The following EYS variants were observed in gnomAD, a reference collection of about 807,000 sequenced individuals.
EYS encodes the protein EGF-like photoreceptor maintenance factor.
Under a neutral mutation model 282.1 loss-of-function variants are expected in EYS, and 250 were observed. The observed-to-expected ratio is 0.89, with a 90% CI of 0.80 to 0.98. EYS has a LOEUF of 0.98. Ranked by LOEUF, EYS falls within the 50% of genes least tolerant of loss-of-function variation. The pLI is 0.00. For missense variants in EYS, 4,016 were observed against 3,709.0 expected (o/e 1.08, Z -2.15); for synonymous variants, 1,355 against 1,282.9 (o/e 1.06, Z -1.20).
chr6:64,702,516 C>A (rs1199184305), intron 22 of EYS, among the ~76,000 whole-genome samples: 1 of 151,970 alleles, frequency 6.6e-6, no homozygotes, highest in Admixed American at 6.6e-5. Context: ...TTCAGAACAT[C>A]GTCAAGATCA....
intron 31 of EYS, among the ~76,000 whole-genome samples, chr6:64,128,726 A>G (rs1773867537): frequency 1.3e-5 from 2 of 152,214 alleles, no homozygotes; most frequent in Non-Finnish European, 2.9e-5. Flanking sequence ...TTCAAAGTCA[A>G]ATAAACAGTA....
chr6:65,295,882 C>T lies in EYS; in HGVS notation c.2004G>A (p.Lys668=), dbSNP rs1768647597. Residue 668 remains lysine (K), a synonymous_variant, in exon 12 of 43, where the codon AAG becomes AAA. Transcript: ENST00000503581. ...STHLRGYFFR[K]CVPGFKGTQC... is the part of the protein sequence containing the mutation. ...ACTTGCCTTTAAATCCTGGGACACA[C>T]TTGCGGAAGAAATATCCCCTTAAAT... The T allele has an allele frequency of 6.5e-7, 1 of 1,547,676 alleles. No individual in the cohort carries two copies. Among genetic ancestry groups the T allele is most frequent in the African/African-American group, 1.4e-5 (1 of 72,896 alleles).
intron 7 of EYS, among the ~76,000 whole-genome samples, chr6:65,394,595 T>C (rs554194422): frequency 3.1e-4 from 47 of 152,102 alleles, no homozygotes; most frequent in Non-Finnish European, 5.3e-4. Flanking sequence ...CCCAGCACTA[T>C]TAACTTTATG....
chr6:65,599,252 C>A (rs1765529485), intron 2 of EYS, among the ~76,000 whole-genome samples: 1 of 152,030 alleles, frequency 6.6e-6, no homozygotes, highest in Admixed American at 6.6e-5. Flanking sequence ...ATAAATGGAT[C>A]TGCCTAGTTC....
chr6:64,783,295 T>G (rs955714563), intron 22 of EYS, among the ~76,000 whole-genome samples: 4 of 151,692 alleles, frequency 2.6e-5, no homozygotes, highest in Admixed American at 6.6e-5. Flanking sequence ...TATATACATA[T>G]CCTATATACA....
intron 30 of EYS, among the ~76,000 whole-genome samples, chr6:64,256,677 C>A (rs762924788): frequency 6.6e-6 from 1 of 151,972 alleles, no homozygotes; most frequent in African/African-American, 2.4e-5. Flanking sequence ...TGCCTATCTA[C>A]AGAGGAGCAC....
intron 30 of EYS, among the ~76,000 whole-genome samples, chr6:64,250,958 G>A (rs1352642396): frequency 6.6e-6 from 1 of 152,002 alleles, no homozygotes; most frequent in African/African-American, 2.4e-5. Context: ...GATAATATGA[G>A]GAAACACGTA....
chr6:64,563,043 CT>C (rs1765450964), intron 26 of EYS, among the ~76,000 whole-genome samples: 1 of 151,838 alleles, frequency 6.6e-6, no homozygotes, highest in African/African-American at 2.4e-5. Context: ...AATATTTTAC[CT>C]TTAAGTACAT....
At chr6:65,699,221 TATG>T (rs1227909780) in intron 1 of EYS, among the ~76,000 whole-genome samples, 1 of 152,202 alleles carries the variant, frequency 6.6e-6, no homozygotes, top group Non-Finnish European at 1.5e-5. Flanking sequence ...TATGGCTAGA[TATG>T]ATATTTTGGA....
At chr6:64,298,192 C>A (rs977032828) in intron 30 of EYS, among the ~76,000 whole-genome samples, 10 of 151,990 alleles carry the variant, frequency 6.6e-5, no homozygotes, top group African/African-American at 2.2e-4. Context: ...GCTTATAATG[C>A]ACTTTTTGTT....
At chr6:65,345,408 G>A (rs1334647643) in intron 9 of EYS, among the ~76,000 whole-genome samples, 2 of 151,712 alleles carry the variant, frequency 1.3e-5, no homozygotes, top group African/African-American at 4.8e-5. Flanking sequence ...ATTGATATGT[G>A]TTCCTCCCTC....
At position 65,676,569 on chromosome 6, in the gene EYS, A is replaced by T. The variant is rs559218388; in HGVS notation, c.-448+30566T>A. ...AAGAAAATTGAATCAATAAGCAAAA[A>T]CCTCTCAACAGAAATAAAGTCTAGG... On this transcript the variant is annotated intron_variant, in intron 1 of 42. Transcript: ENST00000503581. Among the ~76,000 whole-genome samples the T allele has an allele frequency of 2.5e-3, 379 of 151,940 alleles. 3 individuals carry two copies. Among genetic ancestry groups the T allele is most frequent in the African/African-American group, 8.6e-3 (357 of 41,540 alleles).
intron 2 of EYS, among the ~76,000 whole-genome samples, chr6:65,613,902 A>C (rs1385262001): frequency 6.6e-6 from 1 of 151,910 alleles, no homozygotes; most frequent in African/African-American, 2.4e-5. Flanking sequence ...ATTAGGTAAA[A>C]ATATTTATTT....
chr6:65,095,552 A>C (rs945065389), intron 12 of EYS, among the ~76,000 whole-genome samples: 1 of 151,184 alleles, frequency 6.6e-6, no homozygotes, highest in Non-Finnish European at 1.5e-5. Context: ...CACAATGAAT[A>C]TACACAAATT....
chr6:65,476,201 G>T (rs556250841), intron 5 of EYS, among the ~76,000 whole-genome samples: 1 of 152,040 alleles, frequency 6.6e-6, no homozygotes, highest in Non-Finnish European at 1.5e-5. Context: ...CTACCATGAC[G>T]CATGATATTT....
At chr6:63,842,614 A>C (rs939522704) in intron 36 of EYS, among the ~76,000 whole-genome samples, 1 of 152,156 alleles carries the variant, frequency 6.6e-6, no homozygotes, top group African/African-American at 2.4e-5. Context: ...TCGTTTAATT[A>C]GATCCCATTT....
intron 24 of EYS, among the ~76,000 whole-genome samples, chr6:64,607,792 C>T (rs1035882124): frequency 8.5e-5 from 13 of 152,074 alleles, no homozygotes; most frequent in Admixed American, 3.3e-4. Flanking sequence ...AACTTTCTGA[C>T]GTAGTGCTCA....
intron 34 of EYS, among the ~76,000 whole-genome samples, chr6:63,988,422 A>T (rs1181301591): frequency 6.6e-6 from 1 of 151,610 alleles, no homozygotes; most frequent in Non-Finnish European, 1.5e-5. Flanking sequence ...TTAGACCATT[A>T]AAAAACACCC....
intron 11 of EYS, among the ~76,000 whole-genome samples, chr6:65,334,307 G>C (rs577417599): frequency 6.6e-6 from 1 of 151,766 alleles, no homozygotes; most frequent in African/African-American, 2.4e-5. Flanking sequence ...TGTTGCCCAG[G>C]CTGGAGTGCA....
Sources: gnomAD v4.1 joint callset for allele counts (sites outside exome capture counted in the v4.1 genomes callset) on GRCh38, gnomAD v4.1.1 for gene constraint, MANE v1.5 for transcripts, NCBI Gene and HGNC (gene_info 2026-07-23, HGNC 2026-07-21) for gene names.